METTL15: variants seen among roughly 807,000 people sequenced by gnomAD.
METTL15 encodes methyltransferase 15, mitochondrial 12S rRNA N4-cytidine.
Under a neutral mutation model 38.3 loss-of-function variants are expected in METTL15, and 34 were observed. That is an observed-to-expected ratio of 0.89 (90% CI 0.68 to 1.18). The LOEUF is 1.18. Ranked by LOEUF, METTL15 falls within the 50% of genes most tolerant of loss-of-function variation. The probability of loss-of-function intolerance (pLI) is 0.00; values close to 1 mark genes in which losing one functional copy is unlikely to be tolerated. For missense variants in METTL15, 438 were observed against 498.4 expected (o/e 0.88, Z 1.15); for synonymous variants, 162 against 170.9 (o/e 0.95, Z 0.41).
chr11:28,480,964 C>A (rs538139514), intron 6 of METTL15, among the ~76,000 whole-genome samples: 5 of 152,028 alleles, frequency 3.3e-5, no homozygotes, highest in Non-Finnish European at 7.4e-5. Flanking sequence ...ATGGGGAGAG[C>A]AAGGTTTACC....
chr11:28,188,012 A>G (rs913676544), intron 3 of METTL15, among the ~76,000 whole-genome samples: 3 of 151,472 alleles, frequency 2.0e-5, no homozygotes, highest in African/African-American at 7.2e-5. Context: ...ACCACTAGCC[A>G]TGTACTCTTA....
chr11:28,287,294 C>T, intron 4 of METTL15: 1 of 213,276 alleles, frequency 4.7e-6, no homozygotes, highest in South Asian at 5.9e-5. Flanking sequence ...CTTCGTGGTC[C>T]ATGAGGCCGG....
rs184656203 is a variant in METTL15, at chr11:28,187,411, T to C, written c.271-23651T>C. Among the ~76,000 whole-genome samples the C allele has an allele frequency of 8.7e-5, 13 of 148,676 alleles. No homozygotes were observed. In the East Asian group the frequency reaches 2.6e-3, roughly 30 times the overall value. On this transcript the variant is annotated intron_variant, in intron 3 of 6. Transcript: ENST00000407364. Reference sequence around the variant, plus strand: ...TTTAAAATGGATGAGGTAGATCTCGTAGGGGAGGTATGTGATATTAATAAT... The same window carrying C: ...TTTAAAATGGATGAGGTAGATCTCGCAGGGGAGGTATGTGATATTAATAAT...
intron 3 of METTL15, among the ~76,000 whole-genome samples, chr11:28,194,301 C>T (rs1030337117): frequency 5.9e-5 from 9 of 151,502 alleles, no homozygotes; most frequent in African/African-American, 2.2e-4. Context: ...TGGGTTCAAG[C>T]AATTCTCCTG....
chr11:28,122,572 A>G (rs1852298008), intron 3 of METTL15, among the ~76,000 whole-genome samples: 1 of 151,402 alleles, frequency 6.6e-6, no homozygotes, highest in East Asian at 1.9e-4. Context: ...ATATGTATAT[A>G]GGTGTGTATA....
intron 3 of METTL15, among the ~76,000 whole-genome samples, chr11:28,175,013 T>A (rs1161505543): frequency 9.2e-5 from 14 of 152,030 alleles, no homozygotes; most frequent in Admixed American, 9.2e-4. Flanking sequence ...TAGTTACATA[T>A]GTATACATGT....
chr11:28,132,216 T>G (rs1361786364), intron 3 of METTL15, among the ~76,000 whole-genome samples: 2 of 152,134 alleles, frequency 1.3e-5, no homozygotes, highest in Non-Finnish European at 2.9e-5. Context: ...ACGAACCTCT[T>G]TTTTTGCCCT....
chr11:28,125,407 C>G (rs1383292273), intron 3 of METTL15: 1 of 151,818 alleles, frequency 6.6e-6, no homozygotes, highest in Non-Finnish European at 1.5e-5. Flanking sequence ...TGACACTATT[C>G]TGGTTTGATT....
intron 3 of METTL15, among the ~76,000 whole-genome samples, chr11:28,173,116 A>T (rs894863366): frequency 6.6e-6 from 1 of 152,112 alleles, no homozygotes; most frequent in African/African-American, 2.4e-5. Flanking sequence ...TTTAATATAG[A>T]TTTTGTTTTT....
intron 3 of METTL15, among the ~76,000 whole-genome samples, chr11:28,143,516 T>C (rs1193213920): frequency 6.6e-6 from 1 of 152,160 alleles, no homozygotes; most frequent in Non-Finnish European, 1.5e-5. Context: ...GCTAGTTTTA[T>C]TCTAATTCAT....
At chr11:28,182,404 C>G (rs958129158) in intron 3 of METTL15, among the ~76,000 whole-genome samples, 1 of 152,082 alleles carries the variant, frequency 6.6e-6, no homozygotes, top group African/African-American at 2.4e-5. Context: ...ATGTTTAAAT[C>G]TTTAATCCAT....
chr11:28,175,047 G>T (rs551826566), intron 3 of METTL15, among the ~76,000 whole-genome samples: 5 of 151,906 alleles, frequency 3.3e-5, no homozygotes, highest in Non-Finnish European at 7.4e-5. Flanking sequence ...GCTGCACCCA[G>T]TAACTCATCA....
intron 3 of METTL15, among the ~76,000 whole-genome samples, chr11:28,146,119 A>C (rs776459645): frequency 3.3e-5 from 5 of 152,052 alleles, no homozygotes; most frequent in Non-Finnish European, 5.9e-5. Flanking sequence ...ATATATTTTC[A>C]TTGTTTTGTT....
chr11:28,178,962 A>G (rs192605619), intron 3 of METTL15, among the ~76,000 whole-genome samples: 3 of 151,930 alleles, frequency 2.0e-5, no homozygotes, highest in South Asian at 2.1e-4. Context: ...CTCCAGAACT[A>G]TAATGATTGA....
intron 4 of METTL15, among the ~76,000 whole-genome samples, chr11:28,248,052 C>T (rs757350197): frequency 4.6e-5 from 7 of 152,134 alleles, no homozygotes; most frequent in African/African-American, 7.2e-5. Context: ...GGAATAAACA[C>T]TATTTGGTTT....
intron 6 of METTL15, among the ~76,000 whole-genome samples, chr11:28,307,768 G>T (rs537580084): frequency 6.6e-6 from 1 of 152,068 alleles, no homozygotes; most frequent in Admixed American, 6.5e-5. Context: ...GGGCACTGAT[G>T]AAGATGAAGA....
chr11:28,377,199 G>T (rs1450072704), intron 5 of METTL15, among the ~76,000 whole-genome samples: 5 of 147,966 alleles, frequency 3.4e-5, no homozygotes, highest in African/African-American at 9.9e-5. Context: ...GAATCTGAAC[G>T]TTGGCCTGCC....
chr11:28,235,899 A>G lies in METTL15; in HGVS notation c.407+24701A>G, dbSNP rs571708028. On this transcript the variant is annotated intron_variant, in intron 4 of 6. Transcript: ENST00000407364. ...TGTCTTGTGCCAGTTTTCAAAGGGAATGCTTCCAGTTTTTGCCCATTCAGT... is the reference window on the plus strand; with the variant it reads ...TGTCTTGTGCCAGTTTTCAAAGGGAGTGCTTCCAGTTTTTGCCCATTCAGT... Among the ~76,000 whole-genome samples the G allele has an allele frequency of 4.0e-3, 601 of 152,126 alleles. 2 individuals are homozygous for G. Among genetic ancestry groups the G allele is most frequent in the Non-Finnish European group, 6.8e-3 (459 of 67,982 alleles).
chr11:28,369,194 TAATC>T (rs565537423), intron 5 of METTL15, among the ~76,000 whole-genome samples: 141 of 151,626 alleles, frequency 9.3e-4, no homozygotes, highest in Middle Eastern at 6.8e-3. Context: ...GACAAAAACT[TAATC>T]AAGCAGAAGA....
Sources: allele counts gnomAD v4.1 joint callset (sites outside exome capture counted in the v4.1 genomes callset), GRCh38; gene constraint gnomAD v4.1.1; transcripts MANE v1.5; gene names NCBI Gene and HGNC (gene_info 2026-07-23, HGNC 2026-07-21).